Variants in MKNK2 observed in about 807,000 individuals in gnomAD.
MKNK2 encodes MAP kinase-interacting serine/threonine-protein kinase 2.
MKNK2 carries 54 observed loss-of-function variants against 55.0 expected under a neutral mutation model. That is an observed-to-expected ratio of 0.98 (90% confidence interval 0.79 to 1.23). The LOEUF (loss-of-function observed/expected upper bound fraction) is 1.23, where lower values mean the gene tolerates loss of function less well. MKNK2 is among the 50% of genes most tolerant of loss of function. MKNK2 has a pLI of 0.00. For synonymous variants in MKNK2, 323 were observed against 256.0 expected (o/e 1.26, Z -2.50); for missense variants, 685 against 632.1 (o/e 1.08, Z -0.90).
At chr19:2,043,656 T>C (rs2016940245) in intron 5 of MKNK2, 74 bp from the exon 6 acceptor site, 1 of 1,325,274 alleles carries the variant, frequency 7.5e-7, no homozygotes, top group Admixed American at 1.8e-5. Flanking sequence ...GAAACTCCAC[T>C]GCCACGGCTG....
At position 2,042,829 on chromosome 19, in the gene MKNK2, C is replaced by T; in HGVS notation, c.535G>A (p.Glu179Lys). The change falls in exon 8 of 14, where the codon GAG (glutamate) becomes AAG (lysine). Residue 179 changes from glutamate (E) to lysine (K), a missense_variant. Glu to Lys is a moderately conservative substitution (Grantham distance 56). Transcript: ENST00000250896. ...TGCACCACCACGCTGGCCTCCAGCTCGTTGAAGTGCCGGCGCTTGTGGATG... is the reference window on the plus strand; with the variant it reads ...TGCACCACCACGCTGGCCTCCAGCTTGTTGAAGTGCCGGCGCTTGTGGATG... The part of the protein sequence containing the change: ...SHIHKRRHFN[E>K]LEASVVVQDV... 1.3e-6 allele frequency: 2 copies of T among 1,576,420 alleles called. No individual in the cohort carries two copies. The highest frequency in any genetic ancestry group is 2.3e-5 in the East Asian group (1 of 42,878).
intron 10 of MKNK2, 158 bp downstream of exon 10, chr19:2,042,269 G>A (rs149290510): frequency 6.4e-6 from 5 of 778,340 alleles, no homozygotes; most frequent in Non-Finnish European, 8.0e-6. Context: ...GCGCCTGCTC[G>A]AGGCCCCGCC....
rs548322900 is a variant in MKNK2 at position 2,046,304 on chromosome 19, C to A, written c.242-21G>T. 8.7e-6 allele frequency: 14 copies of A among 1,603,090 alleles called. No homozygotes were observed. In the Admixed American group the frequency reaches 2.2e-4, roughly 25 times the overall value. On this transcript the variant is annotated intron_variant, in intron 4 of 13. Coordinates refer to ENST00000250896, the MANE Select transcript of MKNK2 (RefSeq NM_199054.3). ...GACGTCTGCCGGGCAGCGGGGCGGGCGTGAGAGGGACCCTGGCTTTTCCCC... is the reference window on the plus strand; with the variant it reads ...GACGTCTGCCGGGCAGCGGGGCGGGAGTGAGAGGGACCCTGGCTTTTCCCC...
At chr19:2,043,718 G>C in intron 5 of MKNK2, 136 bp from the exon 6 acceptor site, 2 of 801,936 alleles carry the variant, frequency 2.5e-6, no homozygotes, top group Non-Finnish European at 4.1e-6. Context: ...GCTCACGCCT[G>C]TCATCCCAGC....
At chr19:2,049,378 G>T (rs1048407466) in intron 2 of MKNK2, among the ~76,000 whole-genome samples, 8 of 152,200 alleles carry the variant, frequency 5.3e-5, no homozygotes, top group African/African-American at 1.9e-4. Context: ...GGGGCTGTGG[G>T]GGGAGATTCC....
Position 2,050,848 on chromosome 19 carries a change from C to A in MKNK2, c.4G>T (p.Val2Leu). MVQKKPAELQGF... is the reference protein window; with the variant it reads MLQKKPAELQGF... The stretch of plus-strand genomic sequence containing the variant: ...TGAAGTTCGGCTGGTTTCTTCTGCA[C>A]CATCTTCTGTCCGGGCCCCGCCAGC... The change falls in exon 2 of 14, where the codon GTG becomes TTG. Residue 2 changes from valine (V) to leucine (L), a missense_variant. Val to Leu is a conservative substitution (Grantham distance 32). Transcript: ENST00000250896. 9 of 1,531,846 alleles carry A rather than the reference C, an allele frequency of 5.9e-6. No individual in the cohort carries two copies. The highest frequency in any genetic ancestry group is 7.9e-6 in the Non-Finnish European group (9 of 1,139,550). The allele number at this position is 1,531,846 out of a possible 1,614,324, so 94.9% of individuals were successfully genotyped here.
chr19:2,049,131 C>G (rs1433222045), intron 2 of MKNK2, among the ~76,000 whole-genome samples: 1 of 152,196 alleles, frequency 6.6e-6, no homozygotes. Flanking sequence ...GATGGACGGC[C>G]GCAGCCACCA....
Position 2,050,926 on chromosome 19 carries a change from G to C in MKNK2, c.-75C>G. On this transcript the variant is annotated 5_prime_UTR_variant, in exon 2 of 14. Coordinates refer to ENST00000250896, the MANE Select transcript of MKNK2 (RefSeq NM_199054.3). Reference sequence around the variant, plus strand: ...AGGCCCGAGGGCGGGCGGCCGGGCGGGGGGCGGCCGAGGAGGGGACCCTGC... The same window carrying C: ...AGGCCCGAGGGCGGGCGGCCGGGCGCGGGGCGGCCGAGGAGGGGACCCTGC... The C allele has an allele frequency of 9.1e-7, 1 of 1,102,642 alleles. No homozygotes were observed. Among genetic ancestry groups the C allele is most frequent in the Non-Finnish European group, 1.3e-6 (1 of 794,700 alleles). The allele number at this position is 1,102,642 out of a possible 1,614,324, so 68.3% of individuals were successfully genotyped here. A position where few individuals can be genotyped will look rare whatever the true frequency, so the allele number is the denominator to read the frequency against.
At chr19:2,045,457 C>T (rs1358631588) in intron 5 of MKNK2, among the ~76,000 whole-genome samples, 1 of 152,110 alleles carries the variant, frequency 6.6e-6, no homozygotes, top group East Asian at 1.9e-4. Context: ...TGTGTCTGTC[C>T]CTGCCTGCTG....
In MKNK2 at chr19:2,042,831, T is replaced by C. The variant is rs770095906; in HGVS notation, c.533A>G (p.Asn178Ser). ...LSHIHKRRHF[N>S]ELEASVVVQD... ...CACCACCACGCTGGCCTCCAGCTCGTTGAAGTGCCGGCGCTTGTGGATGTG... is the reference window on the plus strand; with the variant it reads ...CACCACCACGCTGGCCTCCAGCTCGCTGAAGTGCCGGCGCTTGTGGATGTG... The change falls in exon 8 of 14, where the codon AAC becomes AGC. Residue 178 changes from asparagine to serine, a missense_variant. Coordinates refer to ENST00000250896, the MANE Select transcript of MKNK2 (RefSeq NM_199054.3). The C allele has an allele frequency of 5.1e-6, 8 of 1,576,642 alleles. No homozygotes were observed. The highest frequency in any genetic ancestry group is 4.0e-5 in the African/African-American group (3 of 74,090).
In MKNK2 at chr19:2,041,151, G is replaced by A. The variant is rs555906753; in HGVS notation, c.999C>T (p.Asp333=). The part of the protein sequence containing the change: ...QEGKYEFPDK[D]WAHISCAAKD... ...TGGCAGCGCAGGAGATGTGGGCCCA[G>A]TCCTTGTCGGGGAACTCGTACTTGC... Residue 333 remains aspartate, a synonymous_variant, in exon 12 of 14, where the codon GAC becomes GAT. Transcript: ENST00000250896. 6 of 1,614,034 alleles carry A rather than the reference G, an allele frequency of 3.7e-6. No homozygotes were observed. Among genetic ancestry groups the A allele is most frequent in the Admixed American group, 1.7e-5 (1 of 60,016 alleles).
In MKNK2 at chr19:2,038,773, T is replaced by C. The variant is rs1599376723; in HGVS notation, c.*840A>G. 8.1e-6 allele frequency: 8 copies of C among 985,480 alleles called. No individual in the cohort carries two copies. Among genetic ancestry groups the C allele is most frequent in the South Asian group, 4.7e-5 (1 of 21,292 alleles). The allele number at this position is 985,480 out of a possible 1,614,324, so 61.0% of individuals were successfully genotyped here. A position where few individuals can be genotyped will look rare whatever the true frequency, so the allele number is the denominator to read the frequency against. On this transcript the variant is annotated 3_prime_UTR_variant, in exon 14 of 14. Transcript: ENST00000250896. ...ACCCCCCACATTGGCTGACAGTGCCTGTCCAGCCCCTCTGCCTGCTGCGGT... is the reference window on the plus strand; with the variant it reads ...ACCCCCCACATTGGCTGACAGTGCCCGTCCAGCCCCTCTGCCTGCTGCGGT...
At chr19:2,042,096 G>T (rs564651332) in intron 10 of MKNK2, 62 bp from the exon 11 acceptor site, 4 of 1,369,966 alleles carry the variant, frequency 2.9e-6, no homozygotes, top group Non-Finnish European at 3.8e-6. Flanking sequence ...AACCGAGCCC[G>T]GGTAACTGCG....
chr19:2,048,354 C>T (rs371848404), intron 2 of MKNK2, among the ~76,000 whole-genome samples: 68 of 152,300 alleles, frequency 4.5e-4, no homozygotes, highest in African/African-American at 1.5e-3. Context: ...TACATATGTA[C>T]GTTTCCACAG....
intron 6 of MKNK2, 24 bp downstream of exon 6, chr19:2,043,479 C>T (rs879916940): frequency 1.2e-5 from 20 of 1,603,718 alleles, no homozygotes; most frequent in Non-Finnish European, 1.5e-5. Context: ...CAGGCCAGTG[C>T]GGTGGCAAGG....
Position 2,042,647 on chromosome 19 carries a change from T to C in MKNK2, c.614A>G (p.Asp205Gly), listed in dbSNP as rs1272775707. ...ACAGAGGATGTTTTCCGGCTTTAGG[T>C]CCCTGTGGGCGATGCCTGGGGGAGA... is the stretch of plus-strand genomic sequence containing the variant. The part of the protein sequence containing the change: ...FLHNKGIAHR[D>G]LKPENILCEH... The change falls in exon 9 of 14, where the codon GAC becomes GGC. Residue 205 changes from aspartate to glycine, a missense_variant. Asp to Gly is a moderately conservative substitution (Grantham distance 94, BLOSUM62 -1). Coordinates refer to ENST00000250896, the MANE Select transcript of MKNK2 (RefSeq NM_199054.3). 1 of 1,562,686 alleles carries C rather than the reference T, an allele frequency of 6.4e-7. No individual in the cohort carries two copies. Among genetic ancestry groups the C allele is most frequent in the African/African-American group, 1.4e-5 (1 of 73,950 alleles).
At chr19:2,047,446 C>G (rs556422924) in intron 2 of MKNK2, among the ~76,000 whole-genome samples, 1 of 152,294 alleles carries the variant, frequency 6.6e-6, no homozygotes, top group South Asian at 2.1e-4. Flanking sequence ...GCAGCTGGCT[C>G]TTGGGAACCC....
rs1357918640 is a variant in MKNK2, at chr19:2,039,040, G to C, written c.*573C>G. ...ATCCCATGGGGTGGGTGGGTGAGCT[G>C]CCTGCCACCTGCCTGCCTGACACCT... On this transcript the variant is annotated 3_prime_UTR_variant, in exon 14 of 14. Coordinates refer to ENST00000250896, the MANE Select transcript of MKNK2 (RefSeq NM_199054.3). 2 of 986,348 alleles carry C rather than the reference G, an allele frequency of 2.0e-6. No individual in the cohort carries two copies. The highest frequency in any genetic ancestry group is 3.5e-5 in the African/African-American group (2 of 57,234). 61.1% of individuals were successfully genotyped at this position (986,348 alleles called of 1,614,324 possible).
chr19:2,041,163 G>C lies in MKNK2; in HGVS notation c.987C>G (p.Phe329Leu). 1.2e-6 allele frequency: 2 copies of C among 1,613,994 alleles called. No homozygotes were observed. The highest frequency in any genetic ancestry group is 1.7e-6 in the Non-Finnish European group (2 of 1,179,930). Residue 329 changes from phenylalanine (F) to leucine (L), a missense_variant, in exon 12 of 14, where the codon TTC becomes TTG. By Grantham distance (22) the Phe-to-Leu change is conservative. Transcript: ENST00000250896. ...FESIQEGKYE[F>L]PDKDWAHISC... The stretch of plus-strand genomic sequence containing the variant: ...AGATGTGGGCCCAGTCCTTGTCGGG[G>C]AACTCGTACTTGCCCTCCTGGATGC...
Sources: allele counts gnomAD v4.1 joint callset (sites outside exome capture counted in the v4.1 genomes callset), GRCh38; gene constraint gnomAD v4.1.1; transcripts MANE v1.5; gene names NCBI Gene and HGNC (gene_info 2026-07-23, HGNC 2026-07-21).